FHIP1A: variants seen among roughly 807,000 people sequenced by gnomAD.
The protein encoded by FHIP1A is FHF complex subunit HOOK interacting protein 1A.
Under a neutral mutation model 88.6 loss-of-function variants are expected in FHIP1A, and 61 were observed. That is an observed-to-expected ratio of 0.69 (90% CI 0.56 to 0.85). The LOEUF is 0.85. Among genes scored for constraint, FHIP1A ranks in the 40% least tolerant of loss-of-function variants. The pLI, the probability that FHIP1A is intolerant of heterozygous loss-of-function variation, is 0.00. For synonymous variants in FHIP1A, 478 were observed against 496.0 expected (o/e 0.96, Z 0.48); for missense variants, 1,154 against 1,273.5 (o/e 0.91, Z 1.43).
intron 7 of FHIP1A, among the ~76,000 whole-genome samples, chr4:151,621,855 G>GAGTT (rs1457416668): frequency 6.6e-6 from 1 of 151,760 alleles, no homozygotes; most frequent in Admixed American, 6.6e-5. Flanking sequence ...AGCATGGAAT[G>GAGTT]AGTTACGCTC....
At chr4:151,512,230 G>T (rs1731064049) in intron 3 of FHIP1A, among the ~76,000 whole-genome samples, 1 of 152,212 alleles carries the variant, frequency 6.6e-6, no homozygotes, top group African/African-American at 2.4e-5. Context: ...TGAGGGTCCT[G>T]TCTGTTAGAA....
chr4:151,542,566 G>T (rs1732336545), intron 3 of FHIP1A, among the ~76,000 whole-genome samples: 1 of 152,016 alleles, frequency 6.6e-6, no homozygotes, highest in Admixed American at 6.5e-5. Context: ...ATGTTTATCT[G>T]CCAGACTCAT....
intron 7 of FHIP1A, among the ~76,000 whole-genome samples, chr4:151,590,992 A>G (rs1403228693): frequency 2.0e-5 from 3 of 152,102 alleles, no homozygotes; most frequent in Non-Finnish European, 2.9e-5. Flanking sequence ...ATTGCAGACA[A>G]TTTGTCTCAG....
intron 3 of FHIP1A, among the ~76,000 whole-genome samples, chr4:151,534,082 A>G (rs528941133): frequency 6.6e-6 from 1 of 152,350 alleles, no homozygotes; most frequent in East Asian, 1.9e-4. Context: ...TGTAATTGTG[A>G]GAATTAAGGT....
intron 3 of FHIP1A, among the ~76,000 whole-genome samples, chr4:151,526,565 C>T (rs1243786966): frequency 2.1e-5 from 3 of 142,778 alleles, no homozygotes; most frequent in East Asian, 2.2e-4. Flanking sequence ...GGCGGCCGGG[C>T]AGAGGCGCCC....
chr4:151,552,035 T>C (rs1344419107), intron 3 of FHIP1A, among the ~76,000 whole-genome samples: 7 of 152,180 alleles, frequency 4.6e-5, no homozygotes, highest in African/African-American at 1.7e-4. Flanking sequence ...CAGACACTTT[T>C]CAAAAGAAGA....
intron 8 of FHIP1A, among the ~76,000 whole-genome samples, chr4:151,632,005 C>T (rs1187616640): frequency 1.3e-5 from 2 of 151,898 alleles, no homozygotes; most frequent in Middle Eastern, 3.2e-3. Flanking sequence ...TATAAACTGG[C>T]TAAATAGATT....
intron 7 of FHIP1A, among the ~76,000 whole-genome samples, chr4:151,595,244 T>C (rs764813477): frequency 1.3e-4 from 20 of 152,224 alleles, no homozygotes; most frequent in Non-Finnish European, 2.6e-4. Context: ...CCCATTGGTT[T>C]CAAAGAACTT....
intron 11 of FHIP1A, among the ~76,000 whole-genome samples, chr4:151,650,821 ACTT>A (rs1321318248): frequency 1.2e-4 from 19 of 152,228 alleles, no homozygotes; most frequent in Non-Finnish European, 1.9e-4. Context: ...TTACTTAGTA[ACTT>A]CTTTTGATAT....
At chr4:151,629,197 T>C (rs183199376) in intron 7 of FHIP1A, among the ~76,000 whole-genome samples, 3 of 152,342 alleles carry the variant, frequency 2.0e-5, no homozygotes, top group Admixed American at 2.0e-4. Context: ...TCTGTACTGC[T>C]CCTTTGCAAT....
At chr4:151,464,173 A>C (rs1729228323) in intron 2 of FHIP1A, among the ~76,000 whole-genome samples, 1 of 152,140 alleles carries the variant, frequency 6.6e-6, no homozygotes, top group South Asian at 2.1e-4. Context: ...CTATAAGTAC[A>C]CACCACCATG....
At chr4:151,641,529 G>A (rs986754316) in intron 9 of FHIP1A, among the ~76,000 whole-genome samples, 1 of 152,218 alleles carries the variant, frequency 6.6e-6, no homozygotes, top group African/African-American at 2.4e-5. Context: ...AACATTATGA[G>A]ATTTTTTTGC....
At chr4:151,503,282 G>A (rs550350832) in intron 3 of FHIP1A, among the ~76,000 whole-genome samples, 1 of 152,338 alleles carries the variant, frequency 6.6e-6, no homozygotes, top group African/African-American at 2.4e-5. Flanking sequence ...GAGGGTCCAT[G>A]TGACTCACTT....
Position 151,557,542 on chromosome 4 carries a change from G to A in FHIP1A, c.-122-8596G>A, listed in dbSNP as rs187873031. On this transcript the variant is annotated intron_variant, in intron 3 of 13. Transcript: ENST00000435205. ...ATTCAAGTCTATGCCAGTCACTCTA[G>A]AGGAAAGTGTAGATGAATTGAAGCA... 1.3e-3 allele frequency among the ~76,000 whole-genome samples: 194 copies of A among 152,312 alleles called. 2 individuals are homozygous for A. The highest frequency in any genetic ancestry group is 0.012 in the Admixed American group (183 of 15,300).
At chr4:151,495,323 C>T (rs972417478) in intron 3 of FHIP1A, among the ~76,000 whole-genome samples, 2 of 151,796 alleles carry the variant, frequency 1.3e-5, no homozygotes, top group Admixed American at 6.6e-5. Context: ...GCCAACATGG[C>T]GAAACTCCAT....
chr4:151,558,989 A>G (rs879385646), intron 3 of FHIP1A, among the ~76,000 whole-genome samples: 2 of 152,194 alleles, frequency 1.3e-5, no homozygotes, highest in East Asian at 1.9e-4. Context: ...CATTTTCCTG[A>G]TATGTTATTT....
intron 7 of FHIP1A, among the ~76,000 whole-genome samples, chr4:151,595,827 A>G (rs1734625890): frequency 1.3e-5 from 2 of 152,112 alleles, no homozygotes; most frequent in South Asian, 4.1e-4. Context: ...AGTATGTTTT[A>G]TCAGAGACTA....
Position 151,656,737 on chromosome 4 carries a change from A to G in FHIP1A, c.2731-23A>G, listed in dbSNP as rs1737256297. The G allele has an allele frequency of 1.3e-6, 2 of 1,544,486 alleles. No homozygotes were observed. Among genetic ancestry groups the G allele is most frequent in the Non-Finnish European group, 1.7e-6 (2 of 1,143,080 alleles). ...TGGAATTTCATGGTGAGGCATTAAC[A>G]TCAGTAATGCTGTTTTTGACAGGTC... On this transcript the variant is annotated intron_variant, in intron 12 of 13. Coordinates refer to ENST00000435205, the MANE Select transcript of FHIP1A (RefSeq NM_001109977.3). This position sits in a 1 kb window ranked among gnomAD's most constrained non-coding sequence, Gnocchi z 4.2.
At chr4:151,588,667 C>A (rs1734309611) in intron 6 of FHIP1A, among the ~76,000 whole-genome samples, 173 bp from the exon 7 acceptor site, 1 of 152,112 alleles carries the variant, frequency 6.6e-6, no homozygotes, top group African/African-American at 2.4e-5. Context: ...CTGGAATAAG[C>A]TATTTGAAAG....
Sources: gnomAD v4.1 joint callset for allele counts (sites outside exome capture counted in the v4.1 genomes callset) on GRCh38, gnomAD v4.1.1 for gene constraint, Gnocchi (gnomAD v3.1) non-coding constraint, MANE v1.5 for transcripts, NCBI Gene and HGNC (gene_info 2026-07-23, HGNC 2026-07-21) for gene names.